NEK6: variants seen among roughly 807,000 people sequenced by gnomAD.
NEK6 encodes serine/threonine-protein kinase Nek6.
NEK6 carries 27 observed loss-of-function variants against 43.5 expected under a neutral mutation model. The observed-to-expected ratio is 0.62, with a 90% CI of 0.46 to 0.86. The LOEUF (loss-of-function observed/expected upper bound fraction) is 0.86, where lower values mean the gene tolerates loss of function less well. Ranked by LOEUF, NEK6 falls within the 40% of genes least tolerant of loss-of-function variation. The pLI is 0.00. For missense variants in NEK6, 318 were observed against 414.4 expected, an observed-to-expected ratio of 0.77 and a Z score of 2.02; for synonymous variants, 167 against 164.1, an observed-to-expected ratio of 1.02 and a Z score of -0.14.
chr9:124,265,390 C>T (rs1316470651), intron 1 of NEK6, among the ~76,000 whole-genome samples: 7 of 152,040 alleles, frequency 4.6e-5, no homozygotes, highest in East Asian at 1.9e-4. Flanking sequence ...GGCGTGGTGG[C>T]GTGTGCCTGT....
chr9:124,280,267 G>A (rs1015681942), intron 1 of NEK6, among the ~76,000 whole-genome samples: 1 of 152,246 alleles, frequency 6.6e-6, no homozygotes, highest in African/African-American at 2.4e-5. Context: ...AGAAAAGAGT[G>A]TGTTTCCTGG....
At chr9:124,277,978 C>T (rs770361024) in intron 1 of NEK6, among the ~76,000 whole-genome samples, 5 of 152,162 alleles carry the variant, frequency 3.3e-5, no homozygotes, top group Non-Finnish European at 7.3e-5. Context: ...GAAGGGGCGC[C>T]TTTGAGTTTT....
At chr9:124,263,379 A>G (rs1044996916) in intron 1 of NEK6, among the ~76,000 whole-genome samples, 1 of 152,168 alleles carries the variant, frequency 6.6e-6, no homozygotes, top group South Asian at 2.1e-4. Flanking sequence ...TGGGCACCCG[A>G]TGGAGTGAAT....
Position 124,260,187 on chromosome 9 carries a change from C to T in NEK6, c.-30+2102C>T, listed in dbSNP as rs574275878. 2.0e-4 allele frequency among the ~76,000 whole-genome samples: 31 copies of T among 152,226 alleles called. 1 individual carries two copies. Among genetic ancestry groups the T allele is most frequent in the African/African-American group, 6.5e-4 (27 of 41,512 alleles). On this transcript the variant is annotated intron_variant, in intron 1 of 9. Coordinates refer to ENST00000320246, the MANE Select transcript of NEK6 (RefSeq NM_014397.6). ...CCAGCCTCACAGCCTTTCCTCTTTC[C>T]ATTGCACTTGGGATATGGTATTTGA...
intron 1 of NEK6, among the ~76,000 whole-genome samples, chr9:124,293,768 G>A (rs996275547): frequency 1.3e-5 from 2 of 152,226 alleles, no homozygotes; most frequent in African/African-American, 2.4e-5. Context: ...CCGGGCCTGG[G>A]TGAGGCACTG....
chr9:124,307,452 G>T (rs1191494791), intron 2 of NEK6, among the ~76,000 whole-genome samples: 2 of 152,314 alleles, frequency 1.3e-5, no homozygotes, highest in East Asian at 3.9e-4. Context: ...GCTCCCCAGG[G>T]CCCTTGTTCC....
At chr9:124,311,866 T>C (rs193197535) in intron 2 of NEK6, among the ~76,000 whole-genome samples, 2 of 152,310 alleles carry the variant, frequency 1.3e-5, no homozygotes, top group Admixed American at 1.3e-4. Context: ...ATTTTTATAT[T>C]TTTAGTGGAG....
chr9:124,329,866 G>A (rs996749038), intron 7 of NEK6, among the ~76,000 whole-genome samples: 3 of 152,360 alleles, frequency 2.0e-5, no homozygotes, highest in South Asian at 4.1e-4. Flanking sequence ...CCATTGCATC[G>A]TGACTCAGGA....
At chr9:124,341,510 G>A (rs986650509) in intron 8 of NEK6, among the ~76,000 whole-genome samples, 5 of 152,200 alleles carry the variant, frequency 3.3e-5, no homozygotes, top group African/African-American at 1.2e-4. Context: ...CCCTGACAGA[G>A]CTGGGAAGCA....
rs1454488440 is a variant in NEK6, at chr9:124,302,008, A to G, written c.44A>G (p.Asn15Ser). 6 of 1,606,312 alleles carry G rather than the reference A, an allele frequency of 3.7e-6. No individual in the cohort carries two copies. The highest frequency in any genetic ancestry group is 5.1e-6 in the Non-Finnish European group (6 of 1,176,572). ...PGHMPHGGSS[N>S]NLCHTLGPVH... ...CACATGCCCCATGGAGGGAGTTCCA[A>G]CAACCTCTGCCACACCCTGGGGCCT... The change falls in exon 2 of 10, where the codon AAC (asparagine) becomes AGC (serine). Residue 15 changes from asparagine (N) to serine (S), a missense_variant. Around this residue, in one of 2 missense-constraint regions of NEK6, gnomAD observed 239 missense variants for 344.4 expected, o/e 0.69. Coordinates refer to ENST00000320246, the MANE Select transcript of NEK6 (RefSeq NM_014397.6).
At chr9:124,331,685 A>G (rs576231605) in intron 7 of NEK6, among the ~76,000 whole-genome samples, 36 of 152,348 alleles carry the variant, frequency 2.4e-4, no homozygotes, top group African/African-American at 7.9e-4. Context: ...GGTGTGTGTC[A>G]GCGCTGCCTT....
chr9:124,287,317 G>A (rs1429963430), intron 1 of NEK6, among the ~76,000 whole-genome samples: 1 of 152,214 alleles, frequency 6.6e-6, no homozygotes, highest in Non-Finnish European at 1.5e-5. Context: ...TTCAGAGATG[G>A]GTGCCAAGGT....
chr9:124,305,970 ATTATGGG>A (rs1833235833), intron 2 of NEK6, among the ~76,000 whole-genome samples: 2 of 152,234 alleles, frequency 1.3e-5, no homozygotes, highest in Non-Finnish European at 2.9e-5. Flanking sequence ...TGAGGAGCCC[ATTATGGG>A]TTTTCAGGTG....
chr9:124,282,612 G>C (rs550484142), intron 1 of NEK6, among the ~76,000 whole-genome samples: 1 of 152,190 alleles, frequency 6.6e-6, no homozygotes, highest in South Asian at 2.1e-4. Context: ...CAAGGGCCAG[G>C]CTGGGGCCAC....
intron 2 of NEK6, among the ~76,000 whole-genome samples, chr9:124,307,918 T>C (rs913280384): frequency 4.6e-5 from 7 of 152,160 alleles, no homozygotes; most frequent in African/African-American, 1.7e-4. Flanking sequence ...CCCCTGGGCT[T>C]GTCCACTGCT....
chr9:124,264,616 C>G (rs1379599745), intron 1 of NEK6, among the ~76,000 whole-genome samples: 7 of 152,060 alleles, frequency 4.6e-5, no homozygotes, highest in Non-Finnish European at 7.4e-5. Context: ...ACCAGCCCAG[C>G]CAACATGGCA....
Position 124,285,279 on chromosome 9 carries a change from C to T in NEK6, c.-29-16657C>T, listed in dbSNP as rs539033235. On this transcript the variant is annotated intron_variant, in intron 1 of 9. Transcript: ENST00000320246. ...CCTCACACAGCTGGTCTGCTTGTCG[C>T]GTTGGTAGCACCGTTTCCACAGAGC... Among the ~76,000 whole-genome samples, 10 of 152,244 alleles carry T rather than the reference C, an allele frequency of 6.6e-5. 2 individuals are homozygous for T. The highest frequency in any genetic ancestry group is 5.2e-4 in the Admixed American group (8 of 15,298).
chr9:124,345,769 C>G (rs1185583426), intron 8 of NEK6, among the ~76,000 whole-genome samples: 1 of 152,218 alleles, frequency 6.6e-6, no homozygotes, highest in African/African-American at 2.4e-5. Context: ...CGGGGGCACC[C>G]AGATCACCCC....
At chr9:124,308,338 A>G (rs1833362250) in intron 2 of NEK6, among the ~76,000 whole-genome samples, 1 of 152,180 alleles carries the variant, frequency 6.6e-6, no homozygotes, top group African/African-American at 2.4e-5. Flanking sequence ...CACACAAAGC[A>G]GGGACAGTGA....
Sources: allele counts gnomAD v4.1 joint callset (sites outside exome capture counted in the v4.1 genomes callset), GRCh38; gene constraint gnomAD v4.1.1; regional missense constraint gnomAD v4.1.1; transcripts MANE v1.5; gene names NCBI Gene and HGNC (gene_info 2026-07-23, HGNC 2026-07-21).